Variants in EPHA4 observed in about 807,000 individuals in gnomAD.
EPHA4 encodes EPH receptor A4.
EPHA4 carries 19 observed loss-of-function variants against 108.3 expected under a neutral mutation model. That is an observed-to-expected ratio of 0.18 (90% CI 0.12 to 0.26). The LOEUF (loss-of-function observed/expected upper bound fraction) is 0.26. Among genes scored for constraint, EPHA4 ranks in the 10% least tolerant of loss-of-function variants. EPHA4 has a pLI of 1.00. For missense variants in EPHA4, 917 were observed against 1,254.0 expected, an observed-to-expected ratio of 0.73 and a Z score of 4.06; for synonymous variants, 449 against 455.5, an observed-to-expected ratio of 0.99 and a Z score of 0.18.
intron 3 of EPHA4, among the ~76,000 whole-genome samples, chr2:221,557,581 G>A (rs1362489991): frequency 2.0e-5 from 3 of 152,192 alleles, no homozygotes; most frequent in Admixed American, 1.3e-4. Flanking sequence ...TGATTAAGTG[G>A]CTCAACTCCA....
intron 5 of EPHA4, among the ~76,000 whole-genome samples, chr2:221,471,241 T>C: frequency 6.6e-6 from 1 of 152,024 alleles, no homozygotes; most frequent in East Asian, 1.9e-4. Flanking sequence ...TTTGTTTTTA[T>C]TTTTTTAAAA....
intron 3 of EPHA4, among the ~76,000 whole-genome samples, chr2:221,528,540 C>T (rs1349244172): frequency 6.6e-6 from 1 of 152,184 alleles, no homozygotes; most frequent in African/African-American, 2.4e-5. Flanking sequence ...ATATTATTAT[C>T]TGAGTCTTGC....
intron 5 of EPHA4, among the ~76,000 whole-genome samples, 194 bp downstream of exon 5, chr2:221,482,158 G>T (rs899479999): frequency 6.6e-6 from 1 of 152,082 alleles, no homozygotes; most frequent in Non-Finnish European, 1.5e-5. Context: ...TGATCCACCT[G>T]CCCTGGCCTC....
chr2:221,443,737 G>T, intron 9 of EPHA4, 131 bp from the exon 10 acceptor site: 1 of 531,304 alleles, frequency 1.9e-6, no homozygotes, highest in Non-Finnish European at 3.3e-6. Context: ...TATGAAAATG[G>T]TTAAATTCTT....
At chr2:221,471,862 G>T (rs73087981) in intron 5 of EPHA4, among the ~76,000 whole-genome samples, 1 of 152,042 alleles carries the variant, frequency 6.6e-6, no homozygotes, top group South Asian at 2.1e-4. Context: ...TGTTCTCCTT[G>T]CTTCTAATAT....
chr2:221,504,403 C>G (rs758664888), intron 3 of EPHA4, among the ~76,000 whole-genome samples: 1 of 151,994 alleles, frequency 6.6e-6, no homozygotes, highest in East Asian at 1.9e-4. Flanking sequence ...ATTGGCTCAC[C>G]CACTACCATA....
intron 8 of EPHA4, among the ~76,000 whole-genome samples, chr2:221,448,725 A>T (rs3770183): frequency 0.46 from 69,873 of 152,036 alleles, 16,548 homozygotes; most frequent in South Asian, 0.62. Context: ...CTAAAATTAC[A>T]AGTATCTCTT....
chr2:221,499,750 A>ATT (rs1559267812), intron 4 of EPHA4, among the ~76,000 whole-genome samples: 4 of 46,554 alleles, frequency 8.6e-5, no homozygotes, highest in African/African-American at 1.2e-4. Flanking sequence ...ATATATATAT[A>ATT]TATATATTTT....
At chr2:221,476,275 C>T (rs1691651534) in intron 5 of EPHA4, among the ~76,000 whole-genome samples, 1 of 152,160 alleles carries the variant, frequency 6.6e-6, no homozygotes. Context: ...CTCAGGTCCA[C>T]TCCAGAGGTG....
At chr2:221,446,957 G>C (rs1690611895) in intron 8 of EPHA4, among the ~76,000 whole-genome samples, 1 of 152,136 alleles carries the variant, frequency 6.6e-6, no homozygotes, top group Non-Finnish European at 1.5e-5. Flanking sequence ...ATTTGGCTTT[G>C]TTATAAAGCT....
chr2:221,557,818 C>T (rs528794174), intron 3 of EPHA4, among the ~76,000 whole-genome samples: 2 of 152,320 alleles, frequency 1.3e-5, no homozygotes, highest in Admixed American at 6.5e-5. Flanking sequence ...GATGTTACTA[C>T]TTTGGTTATG....
At chr2:221,554,124 AT>A (rs1201496330) in intron 3 of EPHA4, among the ~76,000 whole-genome samples, 4 of 152,166 alleles carry the variant, frequency 2.6e-5, no homozygotes, top group Non-Finnish European at 5.9e-5. Context: ...AAGCAGCTGA[AT>A]TTTCTCATCC....
intron 4 of EPHA4, among the ~76,000 whole-genome samples, chr2:221,499,103 C>T (rs1692395281): frequency 6.6e-6 from 1 of 151,332 alleles, no homozygotes; most frequent in Non-Finnish European, 1.5e-5. Context: ...TTAACAGTTA[C>T]ATCTGAGACT....
chr2:221,456,507 G>C, intron 7 of EPHA4, 106 bp downstream of exon 7: 2 of 1,236,036 alleles, frequency 1.6e-6, no homozygotes, highest in Non-Finnish European at 2.2e-6. Context: ...CAAAATGTCT[G>C]CTGAACCAAA....
In EPHA4 at chr2:221,420,457, A is replaced by G. The variant is rs1689725247; in HGVS notation, c.*915T>C. ...GGTGTAATTGAAGCAGAAGAAACACATTTAGACGGAACTGAGGAGGGTGTG... is the reference window on the plus strand; with the variant it reads ...GGTGTAATTGAAGCAGAAGAAACACGTTTAGACGGAACTGAGGAGGGTGTG... On this transcript the variant is annotated 3_prime_UTR_variant, in exon 18 of 18. Transcript: ENST00000281821. The G allele has an allele frequency of 6.5e-6, 1 of 152,680 alleles. No homozygotes were observed. The highest frequency in any genetic ancestry group is 2.1e-4 in the South Asian group (1 of 4,832). The allele number at this position is 152,680 out of a possible 1,614,324, so 9.5% of individuals were successfully genotyped here. A position where few individuals can be genotyped will look rare whatever the true frequency, so the allele number is the denominator to read the frequency against.
At chr2:221,528,435 G>A (rs1037348534) in intron 3 of EPHA4, among the ~76,000 whole-genome samples, 5 of 152,122 alleles carry the variant, frequency 3.3e-5, no homozygotes, top group African/African-American at 1.2e-4. Flanking sequence ...CTCTGCTCAT[G>A]GACATAAGAC....
chr2:221,451,504 A>T (rs16862681), intron 8 of EPHA4, among the ~76,000 whole-genome samples: 8,418 of 152,254 alleles, frequency 0.055, 459 homozygotes, highest in African/African-American at 0.14. Context: ...AAATATATAC[A>T]TGTGGAAATG....
chr2:221,506,654 C>T (rs1339809421), intron 3 of EPHA4, among the ~76,000 whole-genome samples: 2 of 152,166 alleles, frequency 1.3e-5, no homozygotes, highest in African/African-American at 4.8e-5. Context: ...TCCATATTGT[C>T]CAAATCACCT....
Position 221,479,927 on chromosome 2 carries a change from C to A in EPHA4, c.1318+2425G>T, listed in dbSNP as rs1691767139. 1.3e-5 allele frequency among the ~76,000 whole-genome samples: 2 copies of A among 152,096 alleles called. 1 individual carries two copies. Among genetic ancestry groups the A allele is most frequent in the South Asian group, 4.1e-4 (2 of 4,826 alleles). On this transcript the variant is annotated intron_variant, in intron 5 of 17. Transcript: ENST00000281821. ...TGGAATTTTGTCCTGTTCAGCAAAC[C>A]TCCTTGGCAGGACTACATGCCATGG...
Sources: allele counts gnomAD v4.1 joint callset (sites outside exome capture counted in the v4.1 genomes callset), GRCh38; gene constraint gnomAD v4.1.1; transcripts MANE v1.5; gene names NCBI Gene and HGNC (gene_info 2026-07-23, HGNC 2026-07-21).